The following LLGL2 variants were observed in gnomAD, a reference collection of about 807,000 sequenced individuals.
The protein encoded by LLGL2 is LLGL2, scribble cell polarity complex component.
A neutral mutation model predicts 123.2 loss-of-function variants in LLGL2; 81 were observed. The ratio of observed to expected loss-of-function variants is 0.66; its 90% confidence interval spans 0.55 to 0.79. The LOEUF (loss-of-function observed/expected upper bound fraction) is 0.79, where lower values mean the gene tolerates loss of function less well. LLGL2 is among the 30% of genes least tolerant of loss of function. The pLI, the probability that LLGL2 is intolerant of heterozygous loss-of-function variation, is 0.00. For synonymous variants in LLGL2, 577 were observed against 594.1 expected, an observed-to-expected ratio of 0.97 and a Z score of 0.42; for missense variants, 1,273 against 1,414.6, an observed-to-expected ratio of 0.90 and a Z score of 1.61.
chr17:75,554,432 C>T (rs968612685), intron 2 of LLGL2, among the ~76,000 whole-genome samples: 2 of 151,210 alleles, frequency 1.3e-5, no homozygotes, highest in Non-Finnish European at 2.9e-5. Context: ...GACAACATGA[C>T]GAGTACCTGT....
At position 75,550,971 on chromosome 17, in the gene LLGL2, C is replaced by T. The variant is rs117605759; in HGVS notation, c.76-5075C>T. Among the ~76,000 whole-genome samples, 621 of 152,216 alleles carry T rather than the reference C, an allele frequency of 4.1e-3. 29 individuals are homozygous for T. The East Asian group carries it at 0.067, about 16-fold the overall frequency. On this transcript the variant is annotated intron_variant, in intron 2 of 25. Coordinates refer to ENST00000392550, the MANE Select transcript of LLGL2 (RefSeq NM_001031803.2). ...TCCTGTTCCCAAATCCCAATCCCTTCCCTGTTCCCAACAAGATCCCTTGGG... is the reference window on the plus strand; with the variant it reads ...TCCTGTTCCCAAATCCCAATCCCTTTCCTGTTCCCAACAAGATCCCTTGGG...
rs1409309458 is a variant in LLGL2 at position 75,544,225 on chromosome 17, G to A, written c.75+724G>A. Among the ~76,000 whole-genome samples, 1 of 152,206 alleles carries A rather than the reference G, an allele frequency of 6.6e-6. No individual in the cohort carries two copies. ...GCAGTGTGGGGCCTTGTGAGGTAAT[G>A]ATCTTCTCACCTCTGCTTTGCGCCT... On this transcript the variant is annotated intron_variant, in intron 2 of 25. Coordinates refer to ENST00000392550, the MANE Select transcript of LLGL2 (RefSeq NM_001031803.2). This position sits in a 1 kb window ranked among gnomAD's most constrained non-coding sequence, Gnocchi z 4.2.
chr17:75,570,857 C>T (rs1190641659), intron 16 of LLGL2, 93 bp from the exon 17 acceptor site: 2 of 1,459,980 alleles, frequency 1.4e-6, no homozygotes, highest in African/African-American at 2.8e-5. Context: ...TGGCTGTGGC[C>T]TGCCTTCCGA....
intron 2 of LLGL2, among the ~76,000 whole-genome samples, chr17:75,547,328 G>A (rs531359972): frequency 6.6e-5 from 10 of 152,382 alleles, no homozygotes; most frequent in Admixed American, 1.3e-4. Context: ...GAGGGGCCAG[G>A]TAGTGGTTAG....
At chr17:75,525,371 C>T (rs904821743), upstream of LLGL2, among the ~76,000 whole-genome samples, 2 of 152,060 alleles carry the variant, frequency 1.3e-5, no homozygotes, top group African/African-American at 4.8e-5. The surrounding 1 kb of genome is among the most constrained non-coding windows in gnomAD (Gnocchi z 4.8). Context: ...GGACGGCTCC[C>T]CTGGAGTCTG....
chr17:75,545,437 T>G (rs2054381512), intron 2 of LLGL2, among the ~76,000 whole-genome samples: 1 of 152,044 alleles, frequency 6.6e-6, no homozygotes, highest in South Asian at 2.1e-4. Context: ...GGCCTGAAAT[T>G]TCAGGCCTTG....
At chr17:75,557,807 G>GT (rs1210757984) in intron 3 of LLGL2, 1 of 373,390 alleles carries the variant, frequency 2.7e-6, no homozygotes, top group African/African-American at 2.1e-5. Context: ...GGTGCCGTGT[G>GT]TTTTTTCACA....
At chr17:75,536,462 T>G (rs2054004847) in intron 1 of LLGL2, among the ~76,000 whole-genome samples, 2 of 152,230 alleles carry the variant, frequency 1.3e-5, no homozygotes, top group Admixed American at 1.3e-4. Context: ...CCCACCTGCC[T>G]GTCTCCCCGC....
At chr17:75,570,302 G>A (rs2055640110) in intron 15 of LLGL2, 46 bp from the exon 16 acceptor site, 1 of 1,600,878 alleles carries the variant, frequency 6.2e-7, no homozygotes, top group Non-Finnish European at 8.5e-7. Context: ...GGGCCCGCGA[G>A]GACTCCCAGG....
In LLGL2 at chr17:75,553,095, A is replaced by T. The variant is rs143788402; in HGVS notation, c.76-2951A>T. Among the ~76,000 whole-genome samples the T allele has an allele frequency of 3.2e-3, 485 of 152,232 alleles. 2 individuals are homozygous for T. Among genetic ancestry groups the T allele is most frequent in the African/African-American group, 0.011 (462 of 41,532 alleles). On this transcript the variant is annotated intron_variant, in intron 2 of 25. Coordinates refer to ENST00000392550, the MANE Select transcript of LLGL2 (RefSeq NM_001031803.2). The stretch of plus-strand genomic sequence containing the variant: ...TGGGGGAGCTTGTCCTGCACATCCT[A>T]TCCCACTGTCTACTCCCCTTTTCCT...
rs1159799373 is a variant in LLGL2, at chr17:75,544,577, T to C, written c.75+1076T>C. ...GCCTGTCGCCCACACCATAGGCTTGTTAAGGGCGTACGTGGGGTGAGGTAA... is the reference window on the plus strand; with the variant it reads ...GCCTGTCGCCCACACCATAGGCTTGCTAAGGGCGTACGTGGGGTGAGGTAA... On this transcript the variant is annotated intron_variant, in intron 2 of 25. Coordinates refer to ENST00000392550, the MANE Select transcript of LLGL2 (RefSeq NM_001031803.2). This position sits in a 1 kb window ranked among gnomAD's most constrained non-coding sequence, Gnocchi z 4.2. 6.6e-6 allele frequency among the ~76,000 whole-genome samples: 1 copy of C among 152,200 alleles called. No individual in the cohort carries two copies. The highest frequency in any genetic ancestry group is 1.5e-5 in the Non-Finnish European group (1 of 68,042).
At chr17:75,571,196 G>C in intron 17 of LLGL2, 96 bp downstream of exon 17, 1 of 1,228,392 alleles carries the variant, frequency 8.1e-7, no homozygotes, top group Non-Finnish European at 1.2e-6. Context: ...TGCCTGGCTG[G>C]TAGGAGCTAA....
Position 75,574,951 on chromosome 17 carries a change from C to G in LLGL2, c.*73C>G. 6.2e-7 allele frequency: 1 copy of G among 1,608,004 alleles called. No homozygotes were observed. The highest frequency in any genetic ancestry group is 1.1e-5 in the South Asian group (1 of 90,972). On this transcript the variant is annotated 3_prime_UTR_variant, in exon 26 of 26. Coordinates refer to ENST00000392550, the MANE Select transcript of LLGL2 (RefSeq NM_001031803.2). Reference sequence around the variant, plus strand: ...GCCTTTCGGGGGTCCCTGCCCCAACCGGAGAGGCCGGTGCACAGGGCCCCG... The same window carrying G: ...GCCTTTCGGGGGTCCCTGCCCCAACGGGAGAGGCCGGTGCACAGGGCCCCG...
chr17:75,568,465 C>T lies in LLGL2; in HGVS notation c.1037-11C>T. On this transcript the variant is annotated splice_polypyrimidine_tract_variant and intron_variant, in intron 10 of 25. Transcript: ENST00000392550. Reference sequence around the variant, plus strand: ...CTGGCCCCGGCCCCTGACCCTTGCCCTGTACCCCAGCCTTTGACGACCCCT... The same window carrying T: ...CTGGCCCCGGCCCCTGACCCTTGCCTTGTACCCCAGCCTTTGACGACCCCT... 6.2e-7 allele frequency: 1 copy of T among 1,610,860 alleles called. No homozygotes were observed. Among genetic ancestry groups the T allele is most frequent in the East Asian group, 2.2e-5 (1 of 44,858 alleles).
chr17:75,532,077 C>CACA (rs58220046), intron 1 of LLGL2, among the ~76,000 whole-genome samples: 117 of 83,986 alleles, frequency 1.4e-3, no homozygotes, highest in African/African-American at 4.3e-3. Flanking sequence ...CACACACACA[C>CACA]TTTTTTTTTT....
intron 3 of LLGL2, among the ~76,000 whole-genome samples, chr17:75,557,362 C>T (rs1021006697): frequency 2.6e-5 from 4 of 152,228 alleles, no homozygotes; most frequent in African/African-American, 9.6e-5. Flanking sequence ...CTGGCAGGGA[C>T]AGTCCTTCCC....
At chr17:75,529,336 G>T (rs970021536) in intron 1 of LLGL2, among the ~76,000 whole-genome samples, 2 of 151,338 alleles carry the variant, frequency 1.3e-5, no homozygotes, top group Non-Finnish European at 2.9e-5. Context: ...AGCTGGGATT[G>T]CAGGCAGGCA....
chr17:75,555,999 C>A, intron 2 of LLGL2, 47 bp from the exon 3 acceptor site: 1 of 1,473,188 alleles, frequency 6.8e-7, no homozygotes. Flanking sequence ...CATGGTGGCG[C>A]GAAGGGGACA....
intron 2 of LLGL2, among the ~76,000 whole-genome samples, chr17:75,547,193 C>T (rs1034791438): frequency 3.9e-5 from 6 of 152,206 alleles, no homozygotes; most frequent in Non-Finnish European, 5.9e-5. Context: ...GAGAGGGAGA[C>T]GTCTTGTTTC....
Sources: gnomAD v4.1 joint callset for allele counts (sites outside exome capture counted in the v4.1 genomes callset) on GRCh38, gnomAD v4.1.1 for gene constraint, Gnocchi (gnomAD v3.1) non-coding constraint, MANE v1.5 for transcripts, NCBI Gene and HGNC (gene_info 2026-07-23, HGNC 2026-07-21) for gene names.